Variants in NAV2 observed in about 807,000 individuals in gnomAD.
NAV2 encodes the protein helicase, APC down-regulated 1.
Under a neutral mutation model 223.2 loss-of-function variants are expected in NAV2, and 54 were observed. That is an observed-to-expected ratio of 0.24 (90% CI 0.19 to 0.30). The LOEUF is 0.30. NAV2 is among the 10% of genes least tolerant of loss of function. NAV2 has a pLI of 1.00. For synonymous variants in NAV2, 1,279 were observed against 1,239.3 expected, an observed-to-expected ratio of 1.03 and a Z score of -0.67; for missense variants, 2,806 against 3,147.5, an observed-to-expected ratio of 0.89 and a Z score of 2.60.
At chr11:19,811,520 C>G (rs2058833617) in intron 1 of NAV2, among the ~76,000 whole-genome samples, 1 of 152,180 alleles carries the variant, frequency 6.6e-6, no homozygotes, top group Non-Finnish European at 1.5e-5. Context: ...TCCCAGCTGC[C>G]ACACACTAAT....
chr11:19,911,000 G>A (rs887385433), intron 6 of NAV2, among the ~76,000 whole-genome samples: 3 of 151,260 alleles, frequency 2.0e-5, no homozygotes, highest in Non-Finnish European at 4.4e-5. Context: ...CTGTCTCACT[G>A]GCTTTTACAG....
chr11:20,022,959 C>A, intron 11 of NAV2: 1 of 1,363,256 alleles, frequency 7.3e-7, no homozygotes, highest in Non-Finnish European at 1.0e-6. Context: ...GTGATCCCTG[C>A]TAGCTAGTCC....
chr11:19,889,970 G>C (rs141725385), intron 5 of NAV2, among the ~76,000 whole-genome samples: 126 of 152,230 alleles, frequency 8.3e-4, no homozygotes, highest in Admixed American at 1.7e-3. Context: ...CTATTTTCTT[G>C]ATTTATCCAA....
At chr11:19,808,950 A>G (rs905903499) in intron 1 of NAV2, among the ~76,000 whole-genome samples, 1 of 152,210 alleles carries the variant, frequency 6.6e-6, no homozygotes, top group Non-Finnish European at 1.5e-5. Context: ...CCTTCTTTTA[A>G]TGGTGAGGAA....
chr11:19,490,543 T>C (rs933051217), intron 1 of NAV2, among the ~76,000 whole-genome samples: 7 of 152,328 alleles, frequency 4.6e-5, no homozygotes, highest in African/African-American at 1.7e-4. Flanking sequence ...TCTCATTCAT[T>C]TAAGTTTATT....
At chr11:19,963,654 T>C (rs947305799) in intron 10 of NAV2, among the ~76,000 whole-genome samples, 1 of 152,232 alleles carries the variant, frequency 6.6e-6, no homozygotes, top group Admixed American at 6.5e-5. Context: ...CAGAGGCAGA[T>C]ACTTCTCTTT....
At chr11:19,843,487 A>C (rs537038128) in intron 3 of NAV2, among the ~76,000 whole-genome samples, 17 of 152,348 alleles carry the variant, frequency 1.1e-4, no homozygotes, top group South Asian at 1.0e-3. Flanking sequence ...AGCTTTATAC[A>C]TAACCCCCAA....
Position 19,642,068 on chromosome 11 carries a change from T to A in NAV2, c.76-190416T>A, listed in dbSNP as rs114618957. Among the ~76,000 whole-genome samples, 276 of 152,332 alleles carry A rather than the reference T, an allele frequency of 1.8e-3. 1 individual carries two copies. Among genetic ancestry groups the A allele is most frequent in the African/African-American group, 6.4e-3 (267 of 41,576 alleles). On this transcript the variant is annotated intron_variant, in intron 1 of 37. Coordinates refer to the NAV2 transcript ENST00000360655. ...TTAATTAATTAATGACGGGCTGCTC[T>A]GTTTGTTGCCGAGATGGAAAGTTGA...
intron 1 of NAV2, among the ~76,000 whole-genome samples, chr11:19,750,694 G>A (rs1287741288): frequency 6.6e-6 from 1 of 152,174 alleles, no homozygotes. Context: ...GAAGACCAGA[G>A]AGGGAAAACA....
intron 19 of NAV2, chr11:20,056,557 A>C: frequency 1.9e-6 from 3 of 1,613,854 alleles, no homozygotes; most frequent in Non-Finnish European, 2.5e-6. Context: ...TCTGTGGACA[A>C]CTTTGTCAGC....
chr11:19,546,353 A>G (rs1318768657), intron 1 of NAV2, among the ~76,000 whole-genome samples: 1 of 152,218 alleles, frequency 6.6e-6, no homozygotes, highest in Admixed American at 6.5e-5. Context: ...GTGGGGGTTC[A>G]GTGGTGGCTG....
chr11:19,629,528 T>A (rs114727718), intron 1 of NAV2, among the ~76,000 whole-genome samples: 1 of 141,660 alleles, frequency 7.1e-6, no homozygotes, highest in East Asian at 2.0e-4. Context: ...CTTTCTTTTT[T>A]TCTCTCTCTC....
chr11:19,671,098 G>A lies in NAV2; in HGVS notation c.76-161386G>A, dbSNP rs552987344. Among the ~76,000 whole-genome samples, 3 of 152,342 alleles carry A rather than the reference G, an allele frequency of 2.0e-5. No homozygotes were observed. The South Asian group carries it at 6.2e-4, about 32-fold the overall frequency. ...AGCTTGGGCTGACAGGCATTTTGAA[G>A]CTACATCTGAGCCTATCATAAAAGA... is the stretch of plus-strand genomic sequence containing the variant. On this transcript the variant is annotated intron_variant, in intron 1 of 37. Coordinates refer to the NAV2 transcript ENST00000360655.
chr11:20,077,891 C>G, intron 23 of NAV2, 102 bp from the exon 24 acceptor site: 1 of 902,018 alleles, frequency 1.1e-6, no homozygotes, highest in Non-Finnish European at 1.8e-6. Flanking sequence ...TTTTGTTGAG[C>G]TACTTCATTC....
intron 10 of NAV2, among the ~76,000 whole-genome samples, chr11:19,969,543 C>A (rs2049045383): frequency 2.0e-5 from 3 of 152,106 alleles, no homozygotes; most frequent in Admixed American, 6.5e-5. Flanking sequence ...TCGGTGGATG[C>A]CTGAAACTGC....
At chr11:19,714,063 A>G (rs191364850) in intron 1 of NAV2, 101 bp downstream of exon 1, 24 of 1,470,346 alleles carry the variant, frequency 1.6e-5, no homozygotes, top group Non-Finnish European at 2.1e-5. Context: ...AGGGTCTACC[A>G]TGTGGCCAGG....
At chr11:19,670,402 G>A (rs1590065566) in intron 1 of NAV2, among the ~76,000 whole-genome samples, 1 of 152,196 alleles carries the variant, frequency 6.6e-6, no homozygotes, top group Admixed American at 6.5e-5. Context: ...GGGGACTCCC[G>A]CTGAGTTTAC....
At chr11:19,612,274 GT>G (rs2046667626) in intron 1 of NAV2, among the ~76,000 whole-genome samples, 1 of 152,196 alleles carries the variant, frequency 6.6e-6, no homozygotes, top group South Asian at 2.1e-4. Context: ...AGGGCCTGCA[GT>G]GAAAGTCTCT....
At chr11:19,619,061 A>T (rs927712873) in intron 1 of NAV2, among the ~76,000 whole-genome samples, 2 of 147,532 alleles carry the variant, frequency 1.4e-5, no homozygotes, top group Non-Finnish European at 3.0e-5. Context: ...TTCAATCTTC[A>T]TCCATGTCCC....
Sources: allele counts gnomAD v4.1 joint callset (sites outside exome capture counted in the v4.1 genomes callset), GRCh38; gene constraint gnomAD v4.1.1; transcripts MANE v1.5; gene names NCBI Gene and HGNC (gene_info 2026-07-23, HGNC 2026-07-21).